The following PPEF1 variants were observed in gnomAD, a reference collection of about 807,000 sequenced individuals.
PPEF1 encodes the protein protein phosphatase with EF-hand domain 1.
PPEF1 carries 12 observed loss-of-function variants against 53.3 expected under a neutral mutation model. The observed-to-expected ratio is 0.23, with a 90% CI of 0.14 to 0.36. PPEF1 has a LOEUF of 0.36. Ranked by LOEUF, PPEF1 falls within the 10% of genes least tolerant of loss-of-function variation. The probability of loss-of-function intolerance (pLI) is 1.00; values close to 1 mark genes in which losing one functional copy is unlikely to be tolerated. For missense variants in PPEF1, 334 were observed against 490.4 expected, an observed-to-expected ratio of 0.68 and a Z score of 3.01; for synonymous variants, 165 against 176.7, an observed-to-expected ratio of 0.93 and a Z score of 0.52.
chrX:18,710,976 G>A (rs113716492), intron 1 of PPEF1, among the ~76,000 whole-genome samples: 19 of 108,709 alleles, frequency 1.7e-4, no homozygotes, highest in African/African-American at 6.4e-4. Context: ...TGTGGTGTAT[G>A]TATATGTAAG....
chrX:18,728,611 T>TTCTTCCTG (rs1219197251), intron 1 of PPEF1, among the ~76,000 whole-genome samples: 1 of 111,584 alleles, frequency 9.0e-6, no homozygotes, highest in Non-Finnish European at 1.9e-5. Flanking sequence ...ACTCTATTTC[T>TTCTTCCTG]TCTTCCTGTG....
chrX:18,788,049 G>A (rs866130928), intron 9 of PPEF1, among the ~76,000 whole-genome samples: 13 of 112,042 alleles, frequency 1.2e-4, no homozygotes, highest in Middle Eastern at 9.3e-3. Flanking sequence ...GGGTGCAGTG[G>A]CTCACGCCTG....
chrX:18,745,528 T>C (rs1370162767), intron 3 of PPEF1, among the ~76,000 whole-genome samples: 1 of 110,275 alleles, frequency 9.1e-6, no homozygotes, highest in East Asian at 2.8e-4. Context: ...TTCTTGGGTG[T>C]AGGTATTTAA....
chrX:18,680,450 A>C (rs1380888453), upstream of PPEF1, among the ~76,000 whole-genome samples: 1 of 25,752 alleles, frequency 3.9e-5, no homozygotes, highest in African/African-American at 1.9e-4. Context: ...TTTTTTTGAT[A>C]CGGCATCTCG....
chrX:18,758,396 C>G, intron 5 of PPEF1, among the ~76,000 whole-genome samples: 1 of 111,929 alleles, frequency 8.9e-6, no homozygotes, highest in East Asian at 2.8e-4. Context: ...TCTAATTAAG[C>G]CTTTAGGTTA....
At chrX:18,706,162 G>A (rs764543738), upstream of PPEF1, among the ~76,000 whole-genome samples, 3 of 100,894 alleles carry the variant, frequency 3.0e-5, 1 homozygote, top group East Asian at 3.1e-4. Context: ...AGGCTGCAGC[G>A]AGCCGTGATT....
chrX:18,750,555 T>G (rs1015531759), intron 4 of PPEF1, among the ~76,000 whole-genome samples: 4 of 112,192 alleles, frequency 3.6e-5, no homozygotes, highest in African/African-American at 1.3e-4. Context: ...CATCAGTGAA[T>G]GGACATTTGG....
chrX:18,822,104 G>A (rs2047073638), intron 13 of PPEF1, among the ~76,000 whole-genome samples: 1 of 112,194 alleles, frequency 8.9e-6, no homozygotes, highest in Admixed American at 9.5e-5. Flanking sequence ...CACTAATGGT[G>A]AGGAAGCCAT....
At chrX:18,687,551 A>T (rs978148660) in intron 3 of PPEF1, among the ~76,000 whole-genome samples, 1 of 112,007 alleles carries the variant, frequency 8.9e-6, no homozygotes, top group Non-Finnish European at 1.9e-5. Flanking sequence ...CACTGGCCAG[A>T]CCACATTTCT....
chrX:18,745,300 A>G (rs1253807553), intron 3 of PPEF1, among the ~76,000 whole-genome samples: 6 of 102,897 alleles, frequency 5.8e-5, no homozygotes, highest in Admixed American at 5.7e-4. Flanking sequence ...TGCAGCCTCG[A>G]CCTCCTGGGC....
At chrX:18,793,596 A>G (rs754576045) in intron 10 of PPEF1, among the ~76,000 whole-genome samples, 1 of 110,866 alleles carries the variant, frequency 9.0e-6, no homozygotes, top group East Asian at 2.8e-4. Flanking sequence ...TGTCTCTTTG[A>G]ACATATTTAT....
chrX:18,812,091 A>G (rs761825161), intron 12 of PPEF1, among the ~76,000 whole-genome samples: 57 of 111,602 alleles, frequency 5.1e-4, no homozygotes, highest in Middle Eastern at 4.6e-3. Context: ...ATTCATTCCT[A>G]TGTTCTCTTC....
At chrX:18,676,395 A>G (rs1007516315) in intron 1 of PPEF1, among the ~76,000 whole-genome samples, 25 of 103,745 alleles carry the variant, frequency 2.4e-4, no homozygotes, top group African/African-American at 1.1e-4. Flanking sequence ...GAGGCAGGCC[A>G]GCTAGTGGCG....
At chrX:18,789,356 ACTTTAC>A (rs760466410) in intron 10 of PPEF1, 83 bp downstream of exon 10, 34 of 959,609 alleles carry the variant, frequency 3.5e-5, no homozygotes, top group African/African-American at 1.4e-4. Context: ...ATAAAAAGTG[ACTTTAC>A]CTTTACGAGG....
rs1166529585 is a variant in PPEF1 at position 18,781,931 on chromosome X, TTTTCTTTGTTCAGTC to T, written c.726-431_726-417del. The stretch of plus-strand genomic sequence containing the variant: ...CTGCTAGGTAACAAGTTGTTCAGTC[TTTTCTTTGTTCAGTC>T]TTTTCTTTTTTCCAATCATTTACTG... On this transcript the variant is annotated intron_variant, in intron 7 of 15. Coordinates refer to ENST00000470157, the MANE Select transcript of PPEF1 (RefSeq NM_001377996.1). 2.8e-5 allele frequency among the ~76,000 whole-genome samples: 3 copies of T among 107,898 alleles called. No individual in the cohort carries two copies. In the South Asian group the frequency reaches 1.2e-3, roughly 42 times the overall value. The allele number at this position is 107,898 out of a possible 115,157, so 93.7% of individuals were successfully genotyped here. A position where few individuals can be genotyped will look rare whatever the true frequency, so the allele number is the denominator to read the frequency against.
intron 7 of PPEF1, among the ~76,000 whole-genome samples, chrX:18,779,698 G>A (rs2046045538): frequency 8.9e-6 from 1 of 112,619 alleles, no homozygotes; most frequent in Admixed American, 9.4e-5. Context: ...GAAACTTGAG[G>A]AATAAAGATT....
At chrX:18,794,710 G>A (rs920760139) in intron 10 of PPEF1, among the ~76,000 whole-genome samples, 1 of 112,493 alleles carries the variant, frequency 8.9e-6, no homozygotes, top group African/African-American at 3.2e-5. Flanking sequence ...GTGCTTGCCT[G>A]GAATCCAGCT....
intron 12 of PPEF1, among the ~76,000 whole-genome samples, chrX:18,807,817 G>A (rs1444288276): frequency 9.5e-6 from 1 of 105,768 alleles, no homozygotes; most frequent in Admixed American, 1.0e-4. Flanking sequence ...GCCCCACCAC[G>A]CTGGGCTAAT....
chrX:18,817,886 T>C lies in PPEF1; in HGVS notation c.1395-153T>C, dbSNP rs190144446. On this transcript the variant is annotated intron_variant, in intron 12 of 15. Transcript: ENST00000470157. Reference sequence around the variant, plus strand: ...ATGCACACACACATACACATACATATACATATGCATATATTTACCATCTAG... The same window carrying C: ...ATGCACACACACATACACATACATACACATATGCATATATTTACCATCTAG... 9.9e-5 allele frequency among the ~76,000 whole-genome samples: 11 copies of C among 111,487 alleles called. No homozygotes were observed. The Admixed American group carries it at 1.1e-3, about 11-fold the overall frequency.
Sources: gnomAD v4.1 joint callset for allele counts (sites outside exome capture counted in the v4.1 genomes callset) on GRCh38, gnomAD v4.1.1 for gene constraint, MANE v1.5 for transcripts, NCBI Gene and HGNC (gene_info 2026-07-23, HGNC 2026-07-21) for gene names.